BLVRA: variants seen among roughly 807,000 people sequenced by gnomAD.
The protein encoded by BLVRA is biliverdin reductase A, also known as BVR A.
BLVRA carries 22 observed loss-of-function variants against 32.8 expected under a neutral mutation model. The ratio of observed to expected loss-of-function variants is 0.67; its 90% confidence interval spans 0.48 to 0.96. The LOEUF (loss-of-function observed/expected upper bound fraction) is 0.96. BLVRA is among the 40% of genes least tolerant of loss of function. The pLI, the probability that BLVRA is intolerant of heterozygous loss-of-function variation, is 0.00. For synonymous variants in BLVRA, 119 were observed against 141.3 expected (o/e 0.84, Z 1.12); for missense variants, 323 against 358.1 (o/e 0.90, Z 0.79).
At chr7:43,793,710 G>A (rs751031584) in intron 5 of BLVRA, among the ~76,000 whole-genome samples, 7 of 147,570 alleles carry the variant, frequency 4.7e-5, no homozygotes, top group African/African-American at 1.0e-4. Context: ...TGCAACCTCC[G>A]CCTCCTGGGT....
At chr7:43,803,591 A>T in intron 6 of BLVRA, 85 bp from the exon 7 acceptor site, 39 of 1,248,486 alleles carry the variant, frequency 3.1e-5, no homozygotes, top group Middle Eastern at 2.6e-4. Context: ...ATCTTTTCAC[A>T]CCCCCGCCAC....
Position 43,803,961 on chromosome 7 carries a change from G to A in BLVRA, c.632+114G>A, listed in dbSNP as rs1476154676. The A allele has an allele frequency of 7.3e-6, 9 of 1,239,696 alleles. No individual in the cohort carries two copies. In the East Asian group the frequency reaches 2.1e-4, roughly 30 times the overall value. 76.8% of individuals were successfully genotyped at this position (1,239,696 alleles called of 1,614,324 possible). A position where few individuals can be genotyped will look rare whatever the true frequency, so the allele number is the denominator to read the frequency against. On this transcript the variant is annotated intron_variant, in intron 7 of 7. Transcript: ENST00000265523. The stretch of plus-strand genomic sequence containing the variant: ...AGACCCTCACTCCCAGCTCCAGAAG[G>A]GCTGTCTGCTTCTGCAGATGGAGTG...
intron 5 of BLVRA, 151 bp from the exon 6 acceptor site, chr7:43,800,314 G>A: frequency 2.8e-6 from 2 of 712,294 alleles, no homozygotes; most frequent in Non-Finnish European, 5.1e-6. Flanking sequence ...GCTGGGGTGG[G>A]TGACAGTGGT....
chr7:43,806,835 C>A, intron 7 of BLVRA, 142 bp from the exon 8 acceptor site: 1 of 884,050 alleles, frequency 1.1e-6, no homozygotes, highest in Non-Finnish European at 1.9e-6. Context: ...ACACAGTCAC[C>A]CACAGCCTCT....
intron 5 of BLVRA, among the ~76,000 whole-genome samples, chr7:43,794,995 G>A (rs2095790183): frequency 6.6e-6 from 1 of 152,036 alleles, no homozygotes; most frequent in African/African-American, 2.4e-5. Flanking sequence ...TGGATCACCT[G>A]AAGTCAGGAT....
At chr7:43,780,135 G>A (rs867388805) in intron 2 of BLVRA, among the ~76,000 whole-genome samples, 1 of 152,106 alleles carries the variant, frequency 6.6e-6, no homozygotes, top group Non-Finnish European at 1.5e-5. Flanking sequence ...GCCTCCCAAA[G>A]TGCTGGGTTT....
chr7:43,784,954 A>G (rs2095775259), intron 2 of BLVRA, among the ~76,000 whole-genome samples: 1 of 152,112 alleles, frequency 6.6e-6, no homozygotes, highest in Non-Finnish European at 1.5e-5. Context: ...CAAGGCAGTA[A>G]TATCGAAACC....
intron 2 of BLVRA, among the ~76,000 whole-genome samples, chr7:43,778,747 G>A (rs1465784292): frequency 6.6e-6 from 1 of 152,228 alleles, no homozygotes. Context: ...TCTGTGCCCT[G>A]CCCCCAGAGG....
At chr7:43,802,974 T>C (rs1321479721) in intron 6 of BLVRA, among the ~76,000 whole-genome samples, 2 of 152,186 alleles carry the variant, frequency 1.3e-5, no homozygotes, top group Admixed American at 1.3e-4. Context: ...ACTCAAGTGA[T>C]CCACCCACCT....
intron 2 of BLVRA, among the ~76,000 whole-genome samples, chr7:43,786,996 C>G (rs1007471156): frequency 6.6e-6 from 1 of 151,864 alleles, no homozygotes; most frequent in Non-Finnish European, 1.5e-5. Flanking sequence ...TATCTTGGGT[C>G]ACTGCAATCT....
chr7:43,789,292 C>T (rs772480610), intron 3 of BLVRA, among the ~76,000 whole-genome samples: 1 of 152,120 alleles, frequency 6.6e-6, no homozygotes, highest in Non-Finnish European at 1.5e-5. Context: ...TTGTGATAGT[C>T]TATGTAGAAA....
intron 2 of BLVRA, among the ~76,000 whole-genome samples, chr7:43,777,782 A>T (rs181872564): frequency 6.6e-6 from 1 of 152,202 alleles, no homozygotes; most frequent in African/African-American, 2.4e-5. Flanking sequence ...AGGTACACCA[A>T]TCAGACGTAG....
At chr7:43,782,599 T>C (rs946927898) in intron 2 of BLVRA, among the ~76,000 whole-genome samples, 4 of 152,076 alleles carry the variant, frequency 2.6e-5, no homozygotes, top group African/African-American at 9.7e-5. Flanking sequence ...TGCTAGGGTC[T>C]TTGGCATAGA....
Position 43,806,982 on chromosome 7 carries a change from T to C in BLVRA, c.638T>C (p.Leu213Pro). The C allele has an allele frequency of 6.2e-7, 1 of 1,613,992 alleles. No individual in the cohort carries two copies. Residue 213 changes from leucine (L) to proline (P), a missense_variant, in exon 8 of 8, where the codon CTG becomes CCG. Coordinates refer to ENST00000265523, the MANE Select transcript of BLVRA (RefSeq NM_000712.4). ...VCLETEKKSP[L>P]SWIEEKGPGL... is the part of the protein sequence containing the mutation. ...TTTGTCTTTTGTCTTTGCAGTCCAC[T>C]GTCATGGATTGAAGAAAAAGGACCT... is the stretch of plus-strand genomic sequence containing the variant.
intron 2 of BLVRA, among the ~76,000 whole-genome samples, chr7:43,781,564 T>C (rs1305282499): frequency 1.3e-5 from 2 of 152,216 alleles, no homozygotes; most frequent in Non-Finnish European, 2.9e-5. Context: ...CTTGAACTCC[T>C]GACCTCAAGT....
intron 7 of BLVRA, among the ~76,000 whole-genome samples, chr7:43,804,372 C>T (rs1346341571): frequency 3.9e-5 from 6 of 152,010 alleles, no homozygotes; most frequent in Non-Finnish European, 7.4e-5. Flanking sequence ...ACCTGGGAGG[C>T]AGAGGTTGCA....
chr7:43,805,278 CTCTCTT>C (rs1563554020), intron 7 of BLVRA, among the ~76,000 whole-genome samples: 1 of 113,706 alleles, frequency 8.8e-6, no homozygotes, highest in Non-Finnish European at 1.8e-5. Context: ...CTGACTCTCT[CTCTCTT>C]TTTTTTTTTT....
intron 2 of BLVRA, among the ~76,000 whole-genome samples, chr7:43,782,176 T>C (rs1386205801): frequency 6.6e-6 from 1 of 152,360 alleles, no homozygotes; most frequent in Non-Finnish European, 1.5e-5. Context: ...GTTGACTAAA[T>C]GATAGGATGA....
intron 2 of BLVRA, among the ~76,000 whole-genome samples, chr7:43,771,896 T>C (rs1192900103): frequency 6.6e-6 from 1 of 152,214 alleles, no homozygotes; most frequent in African/African-American, 2.4e-5. Flanking sequence ...TCCCTCTCCC[T>C]AAGCTCTGTC....
Sources: gnomAD v4.1 joint callset for allele counts (sites outside exome capture counted in the v4.1 genomes callset) on GRCh38, gnomAD v4.1.1 for gene constraint, MANE v1.5 for transcripts, NCBI Gene and HGNC (gene_info 2026-07-23, HGNC 2026-07-21) for gene names.